LARGE1: variants seen among roughly 807,000 people sequenced by gnomAD.
LARGE1 encodes the protein xylosyl- and glucuronyltransferase LARGE1.
Under a neutral mutation model 87.6 loss-of-function variants are expected in LARGE1, and 43 were observed. The ratio of observed to expected loss-of-function variants is 0.49; its 90% CI spans 0.38 to 0.63. LARGE1 has a LOEUF of 0.63. LARGE1 is among the 30% of genes least tolerant of loss of function. The pLI, the probability that LARGE1 is intolerant of heterozygous loss-of-function variation, is 0.00. For missense variants in LARGE1, 802 were observed against 1,000.2 expected, an observed-to-expected ratio of 0.80 and a Z score of 2.67; for synonymous variants, 434 against 394.6, an observed-to-expected ratio of 1.10 and a Z score of -1.18.
intron 3 of LARGE1, among the ~76,000 whole-genome samples, chr22:33,644,563 G>C (rs1359036916): frequency 6.6e-6 from 1 of 152,156 alleles, no homozygotes; most frequent in Non-Finnish European, 1.5e-5. Context: ...TCTGGCCAGG[G>C]CAATCAAGCA....
intron 6 of LARGE1, among the ~76,000 whole-genome samples, chr22:33,539,697 C>T (rs1467475470): frequency 6.6e-6 from 1 of 151,014 alleles, no homozygotes; most frequent in East Asian, 1.9e-4. Flanking sequence ...TTCAGGTGAT[C>T]CTCCCACCTC....
intron 11 of LARGE1, among the ~76,000 whole-genome samples, chr22:33,260,287 G>A (rs1396739419): frequency 1.3e-5 from 2 of 152,104 alleles, no homozygotes; most frequent in Non-Finnish European, 2.9e-5. Flanking sequence ...GTAACAAACT[G>A]CCTTTTCAAC....
At chr22:33,679,195 T>A (rs1252627485) in intron 2 of LARGE1, among the ~76,000 whole-genome samples, 1 of 152,318 alleles carries the variant, frequency 6.6e-6, no homozygotes, top group East Asian at 1.9e-4. Flanking sequence ...CACTCAGATA[T>A]TCAATCAATG....
At chr22:33,585,575 T>G (rs1048035400) in intron 5 of LARGE1, among the ~76,000 whole-genome samples, 1 of 152,152 alleles carries the variant, frequency 6.6e-6, no homozygotes. Context: ...GCAGCAGATT[T>G]CTGGATTTAT....
chr22:33,278,704 C>A (rs768383126), intron 13 of LARGE1, among the ~76,000 whole-genome samples: 2 of 152,026 alleles, frequency 1.3e-5, no homozygotes, highest in Non-Finnish European at 2.9e-5. Context: ...CCTCCTTAAG[C>A]ACTTCACCTC....
chr22:33,410,507 C>T (rs2066271984), intron 7 of LARGE1, among the ~76,000 whole-genome samples: 1 of 151,996 alleles, frequency 6.6e-6, no homozygotes, highest in Non-Finnish European at 1.5e-5. Flanking sequence ...AGGGGCTCTT[C>T]CCCCTTTGAT....
the LARGE1 span, among the ~76,000 whole-genome samples, chr22:33,121,382 A>T: frequency 2.0e-5 from 3 of 152,178 alleles, no homozygotes; most frequent in Non-Finnish European, 4.4e-5. Context: ...TGTTCCCAGC[A>T]TTTCTTTTAG....
intron 11 of LARGE1, among the ~76,000 whole-genome samples, chr22:33,229,845 A>C (rs1925915639): frequency 6.6e-6 from 1 of 152,102 alleles, no homozygotes; most frequent in Non-Finnish European, 1.5e-5. Flanking sequence ...CATCATGGTA[A>C]AACTTCTGAA....
chr22:33,677,259 T>C (rs2081609665), intron 2 of LARGE1, among the ~76,000 whole-genome samples: 1 of 144,586 alleles, frequency 6.9e-6, no homozygotes, highest in Non-Finnish European at 1.5e-5. Flanking sequence ...CAGCTCCTAG[T>C]GTGATTCAGT....
At chr22:33,592,335 T>A (rs2078865126) in intron 5 of LARGE1, among the ~76,000 whole-genome samples, 1 of 152,192 alleles carries the variant, frequency 6.6e-6, no homozygotes, top group Non-Finnish European at 1.5e-5. Flanking sequence ...TTCTGTCTCA[T>A]CTTCTTTGCT....
chr22:33,532,846 T>C (rs936465696), intron 6 of LARGE1, among the ~76,000 whole-genome samples: 1 of 152,230 alleles, frequency 6.6e-6, no homozygotes, highest in Non-Finnish European at 1.5e-5. Context: ...CCCTGGAACC[T>C]GCTCATCGAT....
intron 12 of LARGE1, among the ~76,000 whole-genome samples, chr22:33,287,572 T>C (rs1234918377): frequency 6.6e-6 from 1 of 152,234 alleles, no homozygotes; most frequent in East Asian, 1.9e-4. Context: ...CATCTGTTTA[T>C]TGAGAAGGTA....
chr22:33,219,214 A>C (rs925863196), intron 11 of LARGE1, among the ~76,000 whole-genome samples: 1 of 152,206 alleles, frequency 6.6e-6, no homozygotes, highest in Non-Finnish European at 1.5e-5. Context: ...TAGGCTTCAG[A>C]CTGAGAAAAG....
intron 1 of LARGE1, among the ~76,000 whole-genome samples, chr22:33,872,611 A>G (rs2064330020): frequency 6.6e-6 from 1 of 152,104 alleles, no homozygotes; most frequent in African/African-American, 2.4e-5. Flanking sequence ...CATGGAATTT[A>G]CAGACCAAAC....
chr22:33,422,364 A>T (rs1319944027), intron 7 of LARGE1, among the ~76,000 whole-genome samples: 2 of 152,210 alleles, frequency 1.3e-5, no homozygotes, highest in African/African-American at 4.8e-5. Context: ...TGCAGGCTTT[A>T]CAAGAAGTAT....
At chr22:33,627,067 T>C (rs192566632) in intron 3 of LARGE1, among the ~76,000 whole-genome samples, 18 of 152,312 alleles carry the variant, frequency 1.2e-4, no homozygotes, top group Admixed American at 9.8e-4. Flanking sequence ...ATTCCAATGA[T>C]ACCAAAAAAG....
At chr22:33,119,796 C>T in the LARGE1 span, among the ~76,000 whole-genome samples, 13 of 152,266 alleles carry the variant, frequency 8.5e-5, no homozygotes, top group African/African-American at 1.4e-4. Flanking sequence ...GCCACTGACA[C>T]GTGTGGAGTG....
chr22:33,522,901 G>C (rs2071683020), intron 6 of LARGE1, among the ~76,000 whole-genome samples: 1 of 152,042 alleles, frequency 6.6e-6, no homozygotes, highest in Non-Finnish European at 1.5e-5. Flanking sequence ...TCAGTTACTT[G>C]GGAGTCTGAG....
chr22:33,689,422 G>A (rs1485798802), intron 2 of LARGE1, among the ~76,000 whole-genome samples: 1 of 152,198 alleles, frequency 6.6e-6, no homozygotes, highest in African/African-American at 2.4e-5. Context: ...ACAGAGAGAT[G>A]AGACAGACAG....
Sources: gnomAD v4.1 joint callset for allele counts (sites outside exome capture counted in the v4.1 genomes callset) on GRCh38, gnomAD v4.1.1 for gene constraint, MANE v1.5 for transcripts, NCBI Gene and HGNC (gene_info 2026-07-23, HGNC 2026-07-21) for gene names.